The following LRRC4C variants were observed in gnomAD, a reference collection of about 807,000 sequenced individuals.
LRRC4C encodes leucine-rich repeat-containing protein 4C.
A neutral mutation model predicts 33.6 loss-of-function variants in LRRC4C; 5 were observed. The ratio of observed to expected loss-of-function variants is 0.15; its 90% CI spans 0.08 to 0.31. The LOEUF (loss-of-function observed/expected upper bound fraction) is 0.31. Among genes scored for constraint, LRRC4C ranks in the 10% least tolerant of loss-of-function variants. LRRC4C has a pLI of 1.00. For missense variants in LRRC4C, 560 were observed against 796.7 expected, an observed-to-expected ratio of 0.70 and a Z score of 3.58; for synonymous variants, 329 against 302.0, an observed-to-expected ratio of 1.09 and a Z score of -0.93.
chr11:40,379,746 T>G (rs1565331013), intron 3 of LRRC4C, among the ~76,000 whole-genome samples: 1 of 152,208 alleles, frequency 6.6e-6, no homozygotes, highest in South Asian at 2.1e-4. Context: ...AGAATAAAGT[T>G]CAGTGTAGAG....
intron 3 of LRRC4C, among the ~76,000 whole-genome samples, chr11:40,559,485 A>G (rs1957463941): frequency 6.6e-6 from 1 of 151,990 alleles, no homozygotes; most frequent in Non-Finnish European, 1.5e-5. Context: ...GTGCCTGACC[A>G]TATGTGTCTT....
intron 3 of LRRC4C, among the ~76,000 whole-genome samples, chr11:40,367,047 C>T (rs922698848): frequency 6.6e-6 from 1 of 152,042 alleles, no homozygotes. Flanking sequence ...GGAATGAAGG[C>T]ACAGATGTGA....
At chr11:40,759,511 G>A (rs1013621977) in intron 2 of LRRC4C, among the ~76,000 whole-genome samples, 1 of 151,806 alleles carries the variant, frequency 6.6e-6, no homozygotes, top group African/African-American at 2.4e-5. Context: ...ACATATTTGA[G>A]TGAATAAGCT....
At chr11:41,392,315 A>T (rs376426539) in intron 1 of LRRC4C, among the ~76,000 whole-genome samples, 25 of 151,952 alleles carry the variant, frequency 1.6e-4, no homozygotes, top group African/African-American at 5.3e-4. Context: ...GCCACTGTAG[A>T]TTAACTGTTT....
chr11:40,558,176 C>T (rs961066685), intron 3 of LRRC4C, among the ~76,000 whole-genome samples: 1 of 152,066 alleles, frequency 6.6e-6, no homozygotes, highest in Non-Finnish European at 1.5e-5. Context: ...AAAGAGCATA[C>T]AATTTATGAG....
At chr11:40,783,679 T>C (rs1731121544) in intron 2 of LRRC4C, among the ~76,000 whole-genome samples, 1 of 152,142 alleles carries the variant, frequency 6.6e-6, no homozygotes, top group Non-Finnish European at 1.5e-5. Flanking sequence ...TACACTTGAT[T>C]GCAACAGTTT....
intron 1 of LRRC4C, among the ~76,000 whole-genome samples, chr11:41,145,008 T>C (rs1255059327): frequency 6.6e-6 from 1 of 152,200 alleles, no homozygotes. Context: ...TCACAATTTC[T>C]TCTTTGGTAA....
At chr11:40,334,717 G>T (rs1946519742) in intron 3 of LRRC4C, among the ~76,000 whole-genome samples, 1 of 152,108 alleles carries the variant, frequency 6.6e-6, no homozygotes, top group Admixed American at 6.6e-5. Flanking sequence ...AGTCATCTGA[G>T]CGAGGTATGA....
At chr11:41,262,854 G>A (rs530248793) in intron 1 of LRRC4C, among the ~76,000 whole-genome samples, 5 of 152,244 alleles carry the variant, frequency 3.3e-5, no homozygotes, top group African/African-American at 1.2e-4. Flanking sequence ...GAGCCCAACA[G>A]TCATTGCTTA....
chr11:40,463,219 G>A (rs1448985468), intron 3 of LRRC4C, among the ~76,000 whole-genome samples: 3 of 151,746 alleles, frequency 2.0e-5, no homozygotes, highest in Non-Finnish European at 2.9e-5. Flanking sequence ...AGTATTAGAG[G>A]CATAGAAGTA....
At chr11:41,243,846 A>G (rs1048989003) in intron 1 of LRRC4C, among the ~76,000 whole-genome samples, 4 of 152,196 alleles carry the variant, frequency 2.6e-5, no homozygotes, top group Non-Finnish European at 5.9e-5. Context: ...CATAAACTTC[A>G]TAGCAGTACT....
At chr11:40,336,899 C>T (rs1336153829) in intron 3 of LRRC4C, among the ~76,000 whole-genome samples, 1 of 141,586 alleles carries the variant, frequency 7.1e-6, no homozygotes, top group African/African-American at 2.7e-5. Flanking sequence ...ATGGCGTGAA[C>T]CCGGAAGGCG....
At chr11:40,619,019 C>T (rs1003785834) in intron 3 of LRRC4C, among the ~76,000 whole-genome samples, 3 of 151,700 alleles carry the variant, frequency 2.0e-5, no homozygotes, top group African/African-American at 7.3e-5. Flanking sequence ...CCAATTAAGA[C>T]TTTAGAGAAA....
intron 3 of LRRC4C, among the ~76,000 whole-genome samples, chr11:40,517,941 C>T (rs775448260): frequency 3.3e-5 from 5 of 152,088 alleles, no homozygotes; most frequent in Non-Finnish European, 5.9e-5. Flanking sequence ...GAACAGAGGC[C>T]TCAGAAGTAA....
rs981038343 is a variant in LRRC4C, at chr11:40,257,716, T to C, written c.-175-16118A>G. On this transcript the variant is annotated intron_variant, in intron 4 of 6. Transcript: ENST00000528697. ...ACTTAAGGAAGAGATAAACTCTTTT[T>C]ACTTGGCCTATGTCATGTCTGGATG... is the stretch of plus-strand genomic sequence containing the variant. 2.0e-5 allele frequency among the ~76,000 whole-genome samples: 3 copies of C among 152,322 alleles called. No homozygotes were observed. In the South Asian group the frequency reaches 6.2e-4, roughly 32 times the overall value.
chr11:40,483,072 A>G (rs1163538480), intron 3 of LRRC4C, among the ~76,000 whole-genome samples: 1 of 152,174 alleles, frequency 6.6e-6, no homozygotes, highest in African/African-American at 2.4e-5. Context: ...ACACAGCCAC[A>G]ACATATACAA....
At chr11:40,750,018 A>G (rs1948604015) in intron 2 of LRRC4C, among the ~76,000 whole-genome samples, 1 of 151,998 alleles carries the variant, frequency 6.6e-6, no homozygotes, top group Non-Finnish European at 1.5e-5. Context: ...AGAAAAGCAC[A>G]GTGACCAGCC....
At chr11:41,264,095 AT>A (rs371070496) in intron 1 of LRRC4C, among the ~76,000 whole-genome samples, 18,659 of 142,592 alleles carry the variant, frequency 0.13, 1,247 homozygotes, top group Middle Eastern at 0.25. Flanking sequence ...CTTTTTATTA[AT>A]TTTTTTTTTT....
intron 5 of LRRC4C, among the ~76,000 whole-genome samples, chr11:40,210,696 A>T (rs1411295801): frequency 6.6e-6 from 1 of 152,210 alleles, no homozygotes; most frequent in Non-Finnish European, 1.5e-5. Flanking sequence ...CTCCTGTAAG[A>T]ACAATTCCTT....
Sources: gnomAD v4.1 joint callset for allele counts (sites outside exome capture counted in the v4.1 genomes callset) on GRCh38, gnomAD v4.1.1 for gene constraint, MANE v1.5 for transcripts, NCBI Gene and HGNC (gene_info 2026-07-23, HGNC 2026-07-21) for gene names.